The following CDKN2A variants were observed in gnomAD, a reference collection of about 807,000 sequenced individuals.
CDKN2A encodes the protein cyclin-dependent kinase inhibitor 2A.
A neutral mutation model predicts 11.1 loss-of-function variants in CDKN2A; 3 were observed. That is an observed-to-expected ratio of 0.27 (90% CI 0.12 to 0.70). The LOEUF (loss-of-function observed/expected upper bound fraction) is 0.70, where lower values mean the gene tolerates loss of function less well. Ranked by LOEUF, CDKN2A falls within the 30% of genes least tolerant of loss-of-function variation. The pLI is 0.77. For missense variants in CDKN2A, 265 were observed against 233.6 expected (o/e 1.13, Z -0.88); for synonymous variants, 122 against 108.1 (o/e 1.13, Z -0.80).
At position 21,968,702 on chromosome 9, in the gene CDKN2A, C is replaced by T. The variant is rs1819532215; in HGVS notation, c.458-460G>A. On this transcript the variant is annotated intron_variant, in intron 2 of 2. Transcript: ENST00000304494. The surrounding 1 kb of genome is among the most constrained non-coding windows in gnomAD (Gnocchi z 4.7). ...AAGGGCGCCTCAGGCTCTGGCGCTC[C>T]TCGGCGGAATCCCGTAGCTTCCCTA... is the stretch of plus-strand genomic sequence containing the variant. 2 of 1,536,180 alleles carry T rather than the reference C, an allele frequency of 1.3e-6. No homozygotes were observed. Among genetic ancestry groups the T allele is most frequent in the Non-Finnish European group, 1.7e-6 (2 of 1,146,904 alleles).
At chr9:21,992,423 C>G in intron 2 of CDKN2A, 1 of 984,512 alleles carries the variant, frequency 1.0e-6, no homozygotes, top group Non-Finnish European at 1.2e-6. Flanking sequence ...TGTGTTCTAT[C>G]TTGAGAAACT....
intron 2 of CDKN2A, chr9:21,992,607 T>G: frequency 3.7e-6 from 1 of 271,654 alleles, no homozygotes; most frequent in Non-Finnish European, 5.6e-6. Context: ...TTATGTTTTA[T>G]AGGCCTAAAC....
chr9:21,979,560 G>C (rs78828732), upstream of CDKN2A, among the ~76,000 whole-genome samples: 1 of 152,196 alleles, frequency 6.6e-6, no homozygotes, highest in Non-Finnish European at 1.5e-5. Context: ...TATAGATTTT[G>C]TCACAAGAGA....
upstream of CDKN2A, among the ~76,000 whole-genome samples, chr9:21,979,425 G>A (rs370412175): frequency 1.3e-5 from 2 of 152,220 alleles, no homozygotes; most frequent in East Asian, 3.8e-4. Flanking sequence ...AGTGCCAAGT[G>A]AAGAGAAGGG....
rs1166619601 is a variant in CDKN2A, at chr9:21,991,974, A to T, written c.-4+1908T>A. 3.1e-6 allele frequency: 3 copies of T among 982,188 alleles called. No individual in the cohort carries two copies. Among genetic ancestry groups the T allele is most frequent in the South Asian group, 4.7e-5 (1 of 21,230 alleles). 60.8% of individuals were successfully genotyped at this position (982,188 alleles called of 1,614,324 possible). ...ACAAATGAATATTTAACTTCATAATAAAAATATGACTATTTTGTAAATGCA... is the reference window on the plus strand; with the variant it reads ...ACAAATGAATATTTAACTTCATAATTAAAATATGACTATTTTGTAAATGCA... On this transcript the variant is annotated intron_variant, in intron 2 of 3. Coordinates refer to the CDKN2A transcript ENST00000494262. This position sits in a 1 kb window ranked among gnomAD's most constrained non-coding sequence, Gnocchi z 5.2.
intron 2 of CDKN2A, among the ~76,000 whole-genome samples, chr9:21,980,742 G>A (rs984798343): frequency 2.4e-4 from 36 of 151,200 alleles, no homozygotes; most frequent in Non-Finnish European, 4.6e-4. Flanking sequence ...GGCGGATCAC[G>A]AGGTCAGGAG....
rs768273438 is a variant in CDKN2A, at chr9:21,988,618, G to A, written c.-4+5264C>T. Among the ~76,000 whole-genome samples, 4 of 152,142 alleles carry A rather than the reference G, an allele frequency of 2.6e-5. No homozygotes were observed. The highest frequency in any genetic ancestry group is 5.9e-5 in the Non-Finnish European group (4 of 68,028). On this transcript the variant is annotated intron_variant, in intron 2 of 3. Transcript: ENST00000494262. The surrounding 1 kb of genome is among the most constrained non-coding windows in gnomAD (Gnocchi z 4.1). ...CTACTAGATGGAGGAGAAAGGGAAT[G>A]AGCGAGGGCTGAAATACTACCTACT... is the stretch of plus-strand genomic sequence containing the variant.
At chr9:21,977,540 A>G (rs1820068433), upstream of CDKN2A, among the ~76,000 whole-genome samples, 1 of 151,958 alleles carries the variant, frequency 6.6e-6, no homozygotes, top group Non-Finnish European at 1.5e-5. Context: ...TAATTTTTGT[A>G]TTATTAGTAG....
chr9:21,974,774 C>A lies in CDKN2A; in HGVS notation c.54G>T (p.Thr18=), dbSNP rs765702324. 6.2e-7 allele frequency: 1 copy of A among 1,606,366 alleles called. No homozygotes were observed. The change falls in exon 1 of 3, where the codon ACG becomes ACT. Residue 18 remains threonine, a synonymous_variant. Transcript: ENST00000304494. The surrounding 1 kb of genome is among the most constrained non-coding windows in gnomAD (Gnocchi z 5.2). The stretch of plus-strand genomic sequence containing the variant: ...CCTCTACCCGACCCCGGGCCGCGGC[C>A]GTGGCCAGCCAGTCAGCCGAAGGCT... ...SMEPSADWLA[T]AAARGRVEEV... is the part of the protein sequence containing the mutation.
At chr9:21,974,998 C>T, upstream of CDKN2A, 1 of 1,387,308 alleles carries the variant, frequency 7.2e-7, no homozygotes, top group East Asian at 2.9e-5. The surrounding 1 kb of genome is among the most constrained non-coding windows in gnomAD (Gnocchi z 5.2). Context: ...ACCGCGGTAT[C>T]TTTCCAGGCA....
At chr9:21,989,567 C>A (rs1820374143) in intron 2 of CDKN2A, 1 of 152,282 alleles carries the variant, frequency 6.6e-6, no homozygotes, top group East Asian at 1.9e-4. Flanking sequence ...TGGAAGGGAA[C>A]GAAATGGCTG....
chr9:21,970,935 G>A lies in CDKN2A; in HGVS notation c.424C>T (p.His142Tyr), dbSNP rs1587330478. The A allele has an allele frequency of 1.2e-6, 2 of 1,612,480 alleles. No individual in the cohort carries two copies. Among genetic ancestry groups the A allele is most frequent in the Non-Finnish European group, 1.7e-6 (2 of 1,180,028 alleles). ...CCTTCCGCGGCATCTATGCGGGCAT[G>A]GTTACTGCCTCTGGTGCCCCCCGCA... ...AAAGGTRGSN[H>Y]ARIDAAEGPS... The change falls in exon 2 of 3, where the codon CAT (histidine) becomes TAT (tyrosine). Residue 142 changes from histidine (H) to tyrosine (Y), a missense_variant. Transcript: ENST00000304494.
chr9:21,980,744 G>T (rs948723750), intron 2 of CDKN2A, among the ~76,000 whole-genome samples: 6 of 151,364 alleles, frequency 4.0e-5, no homozygotes, highest in South Asian at 2.1e-4. Flanking sequence ...CGGATCACGA[G>T]GTCAGGAGAT....
Position 21,969,632 on chromosome 9 carries a change from C to G in CDKN2A, c.457+1270G>C, listed in dbSNP as rs74796904. On this transcript the variant is annotated intron_variant, in intron 2 of 2. Coordinates refer to ENST00000304494, the MANE Select transcript of CDKN2A (RefSeq NM_000077.5). ...TTATTCATTTGCTTGTGGCCCAATT[C>G]AGTAGTTTTACTCCCTCTCCCACTT... is the stretch of plus-strand genomic sequence containing the variant. The G allele has an allele frequency of 4.2e-3, 1,471 of 347,392 alleles. 24 individuals carry two copies. Among genetic ancestry groups the G allele is most frequent in the East Asian group, 0.042 (1,052 of 25,252 alleles). The allele number at this position is 347,392 out of a possible 1,614,324, so 21.5% of individuals were successfully genotyped here. A position where few individuals can be genotyped will look rare whatever the true frequency, so the allele number is the denominator to read the frequency against.
intron 2 of CDKN2A, among the ~76,000 whole-genome samples, chr9:21,992,843 A>T (rs947141405): frequency 2.0e-5 from 3 of 152,172 alleles, no homozygotes; most frequent in African/African-American, 4.8e-5. Flanking sequence ...ACTGTTAAAA[A>T]AAACAACAAC....
intron 2 of CDKN2A, among the ~76,000 whole-genome samples, chr9:21,993,460 A>G (rs1284562278): frequency 6.6e-6 from 1 of 152,214 alleles, no homozygotes; most frequent in Non-Finnish European, 1.5e-5. Context: ...TTTGCTAAAC[A>G]TACGAGCATT....
intron 1 of CDKN2A, among the ~76,000 whole-genome samples, chr9:21,972,099 T>C (rs1819793193): frequency 6.6e-6 from 1 of 151,170 alleles, no homozygotes; most frequent in Non-Finnish European, 1.5e-5. Flanking sequence ...AGTGAGAACA[T>C]GTGATATTTG....
At chr9:21,994,137 A>AC in intron 1 of CDKN2A, 1 of 1,600,722 alleles carries the variant, frequency 6.2e-7, no homozygotes, top group Non-Finnish European at 8.5e-7. Flanking sequence ...GGCCTTTCCT[A>AC]CCTGGTCTTC....
chr9:21,991,669 T>G lies in CDKN2A; in HGVS notation c.-4+2213A>C, dbSNP rs1282149154. The G allele has an allele frequency of 1.0e-6, 1 of 984,640 alleles. No individual in the cohort carries two copies. The highest frequency in any genetic ancestry group is 1.1e-4 in the East Asian group (1 of 8,832). The allele number at this position is 984,640 out of a possible 1,614,324, so 61.0% of individuals were successfully genotyped here. A position where few individuals can be genotyped will look rare whatever the true frequency, so the allele number is the denominator to read the frequency against. ...GGTAGTTGATAGTGATGAACTAACG[T>G]GGAATAATAGATCTGTAAACCATCA... On this transcript the variant is annotated intron_variant, in intron 2 of 3. Transcript: ENST00000494262. This position sits in a 1 kb window ranked among gnomAD's most constrained non-coding sequence, Gnocchi z 5.2.
Sources: allele counts gnomAD v4.1 joint callset (sites outside exome capture counted in the v4.1 genomes callset), GRCh38; gene constraint gnomAD v4.1.1; non-coding constraint Gnocchi (gnomAD v3.1); transcripts MANE v1.5; gene names NCBI Gene and HGNC (gene_info 2026-07-23, HGNC 2026-07-21).